Variants in SAMD5 observed in about 807,000 individuals in gnomAD.
SAMD5 encodes sterile alpha motif domain-containing protein 5.
A neutral mutation model predicts 11.3 loss-of-function variants in SAMD5; 13 were observed. That is an observed-to-expected ratio of 1.15 (90% CI 0.75 to 1.83). The LOEUF (loss-of-function observed/expected upper bound fraction) is 1.83. Ranked by LOEUF, SAMD5 falls within the 40% of genes most tolerant of loss-of-function variation. The pLI is 0.00. For missense variants in SAMD5, 255 were observed against 239.1 expected, an observed-to-expected ratio of 1.07 and a Z score of -0.44; for synonymous variants, 129 against 111.3, an observed-to-expected ratio of 1.16 and a Z score of -1.00.
chr6:147,570,469 G>A (rs1171085637), downstream of SAMD5, among the ~76,000 whole-genome samples: 3 of 152,124 alleles, frequency 2.0e-5, no homozygotes, highest in Non-Finnish European at 4.4e-5. Flanking sequence ...TTCATTAGAC[G>A]CAGAGTGCTG....
chr6:147,566,287 CT>C lies in SAMD5; in HGVS notation c.*1843del, dbSNP rs144926376. 0.055 allele frequency: 34,647 copies of C among 632,488 alleles called. 3 individuals carry two copies. Among genetic ancestry groups the C allele is most frequent in the Non-Finnish European group, 0.061 (31,384 of 510,726 alleles). 39.2% of individuals were successfully genotyped at this position (632,488 alleles called of 1,614,324 possible). ...GATTATATTCCAGTTAACCTTTCAT[CT>C]TTTTTTTTTTTCCAAATGAACTAGG... On this transcript the variant is annotated 3_prime_UTR_variant, in exon 2 of 2. Transcript: ENST00000367474.
At chr6:147,926,394 G>A in the SAMD5 span, among the ~76,000 whole-genome samples, 1 of 152,008 alleles carries the variant, frequency 6.6e-6, no homozygotes. Flanking sequence ...GGTGTGAGAT[G>A]GCATCTCCTT....
At chr6:147,699,160 C>T (rs545282574) in intron 1 of SAMD5, among the ~76,000 whole-genome samples, 1 of 152,254 alleles carries the variant, frequency 6.6e-6, no homozygotes, top group African/African-American at 2.4e-5. Flanking sequence ...GGACCTTCCC[C>T]CACCAGCACC....
the SAMD5 span, among the ~76,000 whole-genome samples, chr6:147,820,968 G>T: frequency 6.6e-6 from 1 of 152,266 alleles, no homozygotes; most frequent in East Asian, 1.9e-4. Context: ...TTGGAATTAG[G>T]ACTCTTCTTT....
chr6:147,830,980 A>G, the SAMD5 span, among the ~76,000 whole-genome samples: 2 of 152,248 alleles, frequency 1.3e-5, no homozygotes, highest in Admixed American at 1.3e-4. Flanking sequence ...TTATTCAAGT[A>G]CGAAGTTACG....
chr6:147,644,231 A>G (rs1790361037), intron 1 of SAMD5, among the ~76,000 whole-genome samples: 1 of 152,184 alleles, frequency 6.6e-6, no homozygotes, highest in African/African-American at 2.4e-5. Flanking sequence ...ACAAAACCCA[A>G]TCAGAGGAGG....
the SAMD5 span, among the ~76,000 whole-genome samples, chr6:147,780,546 ACTC>A: frequency 3.3e-5 from 5 of 152,040 alleles, no homozygotes. Context: ...AAAGTTTAAA[ACTC>A]CTTAAAGAAA....
chr6:147,927,469 G>A, the SAMD5 span, among the ~76,000 whole-genome samples: 1 of 152,262 alleles, frequency 6.6e-6, no homozygotes, highest in South Asian at 2.1e-4. Flanking sequence ...TGGCTTGGCT[G>A]TTGTTGGTGT....
chr6:147,584,385 A>G lies in SAMD5; in HGVS notation c.162+74998A>G, dbSNP rs372381916. 1.3e-4 allele frequency among the ~76,000 whole-genome samples: 20 copies of G among 152,316 alleles called. 1 individual carries two copies. Among genetic ancestry groups the G allele is most frequent in the African/African-American group, 4.8e-4 (20 of 41,576 alleles). On this transcript the variant is annotated intron_variant, in intron 1 of 1. Coordinates refer to the SAMD5 transcript ENST00000566741. ...TTCTTTAATCTTTGTGATTTGATCTACTGCTTCTGTCACTCTTTGCCATGG... is the reference window on the plus strand; with the variant it reads ...TTCTTTAATCTTTGTGATTTGATCTGCTGCTTCTGTCACTCTTTGCCATGG...
the SAMD5 span, among the ~76,000 whole-genome samples, chr6:147,927,301 A>C: frequency 3.9e-5 from 6 of 152,138 alleles, no homozygotes; most frequent in Non-Finnish European, 7.4e-5. Context: ...ATAGGCATGG[A>C]ATGTTTTTCC....
intron 1 of SAMD5, among the ~76,000 whole-genome samples, chr6:147,621,838 T>C (rs962741397): frequency 9.9e-5 from 15 of 152,042 alleles, no homozygotes; most frequent in African/African-American, 2.7e-4. Flanking sequence ...TCTGATGTTA[T>C]TGAGCTTGGA....
In SAMD5 at chr6:147,564,711, A is replaced by T; in HGVS notation, c.*255A>T. On this transcript the variant is annotated 3_prime_UTR_variant, in exon 2 of 2. Transcript: ENST00000367474. Reference sequence around the variant, plus strand: ...TTCATTTTTTTAAGAAGATATCATGATGAGATACAGTCTTATGCATTTCTT... The same window carrying T: ...TTCATTTTTTTAAGAAGATATCATGTTGAGATACAGTCTTATGCATTTCTT... The T allele has an allele frequency of 8.3e-7, 1 of 1,200,936 alleles. No individual in the cohort carries two copies. The highest frequency in any genetic ancestry group is 4.3e-5 in the Admixed American group (1 of 23,450). The allele number at this position is 1,200,936 out of a possible 1,614,324, so 74.4% of individuals were successfully genotyped here.
chr6:147,805,064 A>G, the SAMD5 span, among the ~76,000 whole-genome samples: 2 of 152,256 alleles, frequency 1.3e-5, no homozygotes, highest in Non-Finnish European at 2.9e-5. Flanking sequence ...GTGAAGTTTA[A>G]TCATACCCAT....
chr6:147,642,332 C>T (rs941055338), intron 1 of SAMD5, among the ~76,000 whole-genome samples: 2 of 152,290 alleles, frequency 1.3e-5, no homozygotes, highest in South Asian at 2.1e-4. Flanking sequence ...AAAAAGATCT[C>T]GAATAATGTT....
At chr6:147,632,994 C>T (rs560941276) in intron 1 of SAMD5, among the ~76,000 whole-genome samples, 236 of 152,238 alleles carry the variant, frequency 1.6e-3, no homozygotes, top group Admixed American at 4.0e-3. Context: ...GCCACAGGTG[C>T]TGTAGAACAA....
At chr6:147,730,686 G>A (rs908517732) in intron 1 of SAMD5, among the ~76,000 whole-genome samples, 1 of 152,138 alleles carries the variant, frequency 6.6e-6, no homozygotes, top group East Asian at 1.9e-4. Context: ...CAATAGACAA[G>A]GTCCGAGAAC....
intron 1 of SAMD5, among the ~76,000 whole-genome samples, chr6:147,557,111 A>G (rs1370501158): frequency 2.0e-5 from 3 of 152,224 alleles, no homozygotes; most frequent in African/African-American, 7.2e-5. Context: ...TATTTTTCAT[A>G]CATAATTTAA....
At chr6:147,647,380 G>A (rs1790422002) in intron 1 of SAMD5, among the ~76,000 whole-genome samples, 1 of 151,930 alleles carries the variant, frequency 6.6e-6, no homozygotes, top group Admixed American at 6.6e-5. Flanking sequence ...TAATTGTGCA[G>A]TTGGTGAAAC....
chr6:147,730,066 C>T (rs571881152), intron 1 of SAMD5: 7 of 375,226 alleles, frequency 1.9e-5, no homozygotes, highest in Non-Finnish European at 3.5e-5. Context: ...GCCTGGGTGA[C>T]TCTGTCTCAA....
Sources: allele counts gnomAD v4.1 joint callset (sites outside exome capture counted in the v4.1 genomes callset), GRCh38; gene constraint gnomAD v4.1.1; transcripts MANE v1.5; gene names NCBI Gene and HGNC (gene_info 2026-07-23, HGNC 2026-07-21).